The following CREB5 variants were observed in gnomAD, a reference collection of about 807,000 sequenced individuals.
CREB5 encodes the protein cAMP responsive element binding protein 5, also known as cyclic AMP-responsive element-binding protein 5.
In CREB5, 19 loss-of-function variants were observed where a neutral mutation model predicts 57.1. The observed-to-expected ratio is 0.33, with a 90% confidence interval of 0.23 to 0.49. CREB5 has a LOEUF of 0.49. Among genes scored for constraint, CREB5 ranks in the 20% least tolerant of loss-of-function variants. The pLI is 0.99. For synonymous variants in CREB5, 238 were observed against 238.3 expected (o/e 1.00, Z 0.01); for missense variants, 579 against 671.6 (o/e 0.86, Z 1.52).
At chr7:28,477,957 G>T (rs2128587704) in intron 1 of CREB5, among the ~76,000 whole-genome samples, 1 of 152,140 alleles carries the variant, frequency 6.6e-6, no homozygotes, top group African/African-American at 2.4e-5. Flanking sequence ...TCTACAAAAA[G>T]TAAAAAATTA....
chr7:28,779,596 T>C (rs34820887), intron 7 of CREB5, among the ~76,000 whole-genome samples: 39,256 of 152,068 alleles, frequency 0.26, 5,852 homozygotes, highest in Non-Finnish European at 0.34. Flanking sequence ...GTTAGGAAGG[T>C]AGACTTAGAT....
intron 4 of CREB5, among the ~76,000 whole-genome samples, chr7:28,550,272 G>C (rs528533047): frequency 4.9e-4 from 74 of 151,600 alleles, no homozygotes; most frequent in Middle Eastern, 6.8e-3. Flanking sequence ...GTTTCCCTTG[G>C]AATATTTTAG....
In CREB5 at chr7:28,673,657, C is replaced by CTTT. The variant is rs549391329; in HGVS notation, c.465-45069_465-45067dup. On this transcript the variant is annotated intron_variant, in intron 5 of 10. Coordinates refer to ENST00000357727, the MANE Select transcript of CREB5 (RefSeq NM_182898.4). ...GTTGACATGAAGTTTCTCTCTCTCT[C>CTTT]TTTTTTTTTTTTTTTTTTTTTTTTT... Among the ~76,000 whole-genome samples the CTTT allele has an allele frequency of 1.6e-3, 92 of 55,768 alleles. 3 individuals carry two copies. The highest frequency in any genetic ancestry group is 5.5e-3 in the African/African-American group (75 of 13,732). 36.6% of individuals were successfully genotyped at this position (55,768 alleles called of 152,430 possible).
chr7:28,584,299 T>C (rs2128659029), intron 5 of CREB5, among the ~76,000 whole-genome samples: 1 of 152,280 alleles, frequency 6.6e-6, no homozygotes, highest in Admixed American at 6.5e-5. Flanking sequence ...CTCAAAAATA[T>C]GTGTTGAAGT....
intron 5 of CREB5, among the ~76,000 whole-genome samples, chr7:28,713,965 T>A (rs1802541687): frequency 6.6e-6 from 1 of 152,132 alleles, no homozygotes; most frequent in Admixed American, 6.6e-5. Context: ...TTGTTTTCTG[T>A]TTTTCGGTTT....
chr7:28,809,374 A>G lies in CREB5; in HGVS notation c.1214A>G (p.Lys405Arg). The change falls in exon 9 of 11, where the codon AAG becomes AGG. Residue 405 changes from lysine (K) to arginine (R), a missense_variant. By Grantham distance (26) the Lys-to-Arg change is conservative (BLOSUM62 2). Coordinates refer to ENST00000357727, the MANE Select transcript of CREB5 (RefSeq NM_182898.4). ...AAGGTCTGGGTGATGTCATTGGAAA[A>G]GAAAGCAGAAGAACTCACCCAGACA... ...KRKVWVMSLE[K>R]KAEELTQTNM... 1 of 1,614,070 alleles carries G rather than the reference A, an allele frequency of 6.2e-7. No individual in the cohort carries two copies.
chr7:28,528,704 CAAAAAAAAA>C (rs778154325), intron 4 of CREB5, among the ~76,000 whole-genome samples: 26 of 58,392 alleles, frequency 4.5e-4, no homozygotes, highest in Admixed American at 3.9e-3. Context: ...AACTCCATCT[CAAAAAAAAA>C]AAAAAAAAAA....
intron 5 of CREB5, among the ~76,000 whole-genome samples, chr7:28,637,738 A>T (rs1798480223): frequency 6.6e-6 from 1 of 152,230 alleles, no homozygotes; most frequent in South Asian, 2.1e-4. Context: ...GGTGTTCATA[A>T]AGATATCTGA....
At chr7:28,587,612 C>T (rs1026823801) in intron 5 of CREB5, among the ~76,000 whole-genome samples, 1 of 152,140 alleles carries the variant, frequency 6.6e-6, no homozygotes, top group African/African-American at 2.4e-5. Flanking sequence ...AAGTTCTAAG[C>T]AATGAATAAG....
intron 1 of CREB5, among the ~76,000 whole-genome samples, chr7:28,421,167 A>T (rs1318066310): frequency 2.0e-5 from 3 of 152,054 alleles, no homozygotes; most frequent in Non-Finnish European, 4.4e-5. Flanking sequence ...TGAGTCTCCA[A>T]TGTCCATTAT....
chr7:28,727,876 A>G (rs1803410145), intron 7 of CREB5, among the ~76,000 whole-genome samples: 1 of 152,188 alleles, frequency 6.6e-6, no homozygotes, highest in South Asian at 2.1e-4. Flanking sequence ...AAAGATATGT[A>G]CAGGTGTGAC....
chr7:28,560,677 C>G (rs1439126964), intron 4 of CREB5, among the ~76,000 whole-genome samples: 2 of 151,936 alleles, frequency 1.3e-5, no homozygotes, highest in African/African-American at 4.8e-5. Context: ...TGGAGAAGTT[C>G]AGCAGGATCA....
chr7:28,451,014 A>C (rs1346600687), intron 1 of CREB5, among the ~76,000 whole-genome samples: 1 of 152,216 alleles, frequency 6.6e-6, no homozygotes, highest in Non-Finnish European at 1.5e-5. Flanking sequence ...TAATTTGGGC[A>C]AAACATATTA....
At chr7:28,696,954 G>A (rs1321461437) in intron 5 of CREB5, among the ~76,000 whole-genome samples, 6 of 150,828 alleles carry the variant, frequency 4.0e-5, no homozygotes, top group Non-Finnish European at 7.4e-5. Flanking sequence ...GTGTATATGT[G>A]TTATACACAC....
intron 2 of CREB5, among the ~76,000 whole-genome samples, chr7:28,492,007 G>T (rs1247299553): frequency 6.6e-6 from 1 of 151,998 alleles, no homozygotes; most frequent in Admixed American, 6.5e-5. Context: ...GTCTCGTTTT[G>T]TTTTGTTTTG....
intron 8 of CREB5, among the ~76,000 whole-genome samples, chr7:28,807,915 T>G (rs1415533448): frequency 6.6e-6 from 1 of 152,106 alleles, no homozygotes; most frequent in Non-Finnish European, 1.5e-5. Flanking sequence ...AGGTGCTGTG[T>G]GTCTGCCTTA....
intron 5 of CREB5, among the ~76,000 whole-genome samples, chr7:28,586,326 A>T (rs1288297109): frequency 2.6e-5 from 4 of 152,168 alleles, no homozygotes; most frequent in Non-Finnish European, 1.5e-5. Flanking sequence ...AGTTCCCCCA[A>T]AGAAGCTCAG....
chr7:28,603,102 A>G (rs929972890), intron 5 of CREB5, among the ~76,000 whole-genome samples: 1 of 152,196 alleles, frequency 6.6e-6, no homozygotes, highest in Admixed American at 6.5e-5. Context: ...GTTGATTTCC[A>G]CAATCCTACC....
At chr7:28,416,346 A>G (rs1420359767) in intron 1 of CREB5, among the ~76,000 whole-genome samples, 1 of 152,356 alleles carries the variant, frequency 6.6e-6, no homozygotes, top group East Asian at 1.9e-4. Flanking sequence ...CAACAACAAC[A>G]ACAACAAAAT....
Sources: gnomAD v4.1 joint callset for allele counts (sites outside exome capture counted in the v4.1 genomes callset) on GRCh38, gnomAD v4.1.1 for gene constraint, MANE v1.5 for transcripts, NCBI Gene and HGNC (gene_info 2026-07-23, HGNC 2026-07-21) for gene names.